Variants in PRKCA observed in about 807,000 individuals in gnomAD.
PRKCA encodes protein kinase C alpha type.
PRKCA carries 27 observed loss-of-function variants against 87.0 expected under a neutral mutation model. The ratio of observed to expected loss-of-function variants is 0.31; its 90% CI spans 0.23 to 0.43. The LOEUF (loss-of-function observed/expected upper bound fraction) is 0.43, where lower values mean the gene tolerates loss of function less well. PRKCA is among the 20% of genes least tolerant of loss of function. PRKCA has a pLI of 1.00. For synonymous variants in PRKCA, 329 were observed against 311.1 expected, an observed-to-expected ratio of 1.06 and a Z score of -0.61; for missense variants, 518 against 852.3, an observed-to-expected ratio of 0.61 and a Z score of 4.88.
chr17:66,667,374 A>G (rs1157824433), intron 5 of PRKCA, among the ~76,000 whole-genome samples: 3 of 152,364 alleles, frequency 2.0e-5, no homozygotes, highest in East Asian at 3.9e-4. Flanking sequence ...TAATTGGCTC[A>G]GAGTTCAGCA....
chr17:66,648,953 G>A (rs1292307297), intron 5 of PRKCA, among the ~76,000 whole-genome samples: 5 of 152,134 alleles, frequency 3.3e-5, no homozygotes, highest in African/African-American at 1.2e-4. Context: ...AATTAGCCAA[G>A]TATGGTGGCA....
intron 2 of PRKCA, among the ~76,000 whole-genome samples, chr17:66,374,990 C>A (rs775806942): frequency 2.0e-5 from 3 of 152,080 alleles, no homozygotes; most frequent in African/African-American, 7.2e-5. Flanking sequence ...GCCTTGGCCT[C>A]TCGAAGTGCT....
intron 3 of PRKCA, among the ~76,000 whole-genome samples, chr17:66,524,097 C>T (rs1567875303): frequency 1.3e-5 from 2 of 152,122 alleles, no homozygotes; most frequent in Non-Finnish European, 1.5e-5. Flanking sequence ...GCAACATATA[C>T]AGGGTGTGTG....
rs189946630 is a variant in PRKCA, at chr17:66,752,591, G to A, written c.1524+9831G>A. ...CCAGCCTGGGCAACAGCAAGACTCTGTCACCAAATAAATAAAGTTAATGCT... is the reference window on the plus strand; with the variant it reads ...CCAGCCTGGGCAACAGCAAGACTCTATCACCAAATAAATAAAGTTAATGCT... On this transcript the variant is annotated intron_variant, in intron 13 of 16. Transcript: ENST00000413366. Among the ~76,000 whole-genome samples, 10 of 152,262 alleles carry A rather than the reference G, an allele frequency of 6.6e-5. No individual in the cohort carries two copies. In the East Asian group the frequency reaches 1.7e-3, roughly 26 times the overall value.
At chr17:66,305,372 C>T (rs1325588607) in intron 1 of PRKCA, among the ~76,000 whole-genome samples, 1 of 152,078 alleles carries the variant, frequency 6.6e-6, no homozygotes, top group African/African-American at 2.4e-5. Flanking sequence ...CTCAACCTTC[C>T]GAAGAAATTT....
intron 4 of PRKCA, among the ~76,000 whole-genome samples, chr17:66,642,681 T>G (rs1160610914): frequency 6.6e-6 from 1 of 152,214 alleles, no homozygotes; most frequent in Non-Finnish European, 1.5e-5. Flanking sequence ...ATAGAGTAGA[T>G]GGAGTTTCTC....
At chr17:66,611,441 C>T (rs534906082) in intron 3 of PRKCA, among the ~76,000 whole-genome samples, 1 of 152,306 alleles carries the variant, frequency 6.6e-6, no homozygotes, top group Admixed American at 6.5e-5. Flanking sequence ...TGGAATAATA[C>T]AGTAAATGGC....
In PRKCA at chr17:66,707,760, G is replaced by A. The variant is rs369943791; in HGVS notation, c.918+18713G>A. Among the ~76,000 whole-genome samples, 17 of 152,178 alleles carry A rather than the reference G, an allele frequency of 1.1e-4. No individual in the cohort carries two copies. In the East Asian group the frequency reaches 2.9e-3, roughly 26 times the overall value. On this transcript the variant is annotated intron_variant, in intron 8 of 16. Coordinates refer to ENST00000413366, the MANE Select transcript of PRKCA (RefSeq NM_002737.3). ...TACCTTATCTCCACTTTCTGGAAAC[G>A]ACCCCTGACCCTCATAGTGGAGGGA...
chr17:66,385,657 T>C (rs542623146), intron 2 of PRKCA, among the ~76,000 whole-genome samples: 64 of 152,124 alleles, frequency 4.2e-4, no homozygotes, highest in African/African-American at 1.4e-3. Context: ...AGCCCAGGAG[T>C]TTTAGGCCAG....
chr17:66,449,656 G>A (rs1280396863), intron 2 of PRKCA, among the ~76,000 whole-genome samples: 1 of 152,142 alleles, frequency 6.6e-6, no homozygotes, highest in East Asian at 1.9e-4. Flanking sequence ...CCTTCTATGA[G>A]CCAAACATCA....
At chr17:66,615,903 G>A (rs936394006) in intron 3 of PRKCA, among the ~76,000 whole-genome samples, 4 of 152,204 alleles carry the variant, frequency 2.6e-5, no homozygotes, top group African/African-American at 9.6e-5. Context: ...TGTCAGGACA[G>A]GAGGTGGATC....
intron 3 of PRKCA, among the ~76,000 whole-genome samples, chr17:66,541,046 C>T (rs1224219696): frequency 1.3e-5 from 2 of 152,158 alleles, no homozygotes; most frequent in African/African-American, 4.8e-5. Context: ...TATTCTCTGG[C>T]CATCTCAGAG....
At chr17:66,562,619 CAG>C (rs2143318270) in intron 3 of PRKCA, among the ~76,000 whole-genome samples, 1 of 150,170 alleles carries the variant, frequency 6.7e-6, no homozygotes, top group African/African-American at 2.4e-5. Context: ...TGTTTTTTGG[CAG>C]AGTCTCACTG....
intron 10 of PRKCA, among the ~76,000 whole-genome samples, chr17:66,737,794 T>C (rs1974071238): frequency 6.6e-6 from 1 of 152,212 alleles, no homozygotes; most frequent in Admixed American, 6.5e-5. Context: ...ACCACAGCTC[T>C]GAATCCCAGC....
At chr17:66,441,053 T>G (rs910898577) in intron 2 of PRKCA, among the ~76,000 whole-genome samples, 1 of 149,006 alleles carries the variant, frequency 6.7e-6, no homozygotes, top group African/African-American at 2.5e-5. Flanking sequence ...TCCCAGCTAC[T>G]CAAGAGGCTG....
chr17:66,640,554 T>C (rs16959777), intron 3 of PRKCA, among the ~76,000 whole-genome samples: 23,043 of 152,220 alleles, frequency 0.15, 1,994 homozygotes, highest in East Asian at 0.3. Flanking sequence ...CAGGAAAATG[T>C]ACCTGTCAGT....
intron 2 of PRKCA, among the ~76,000 whole-genome samples, chr17:66,481,984 C>T (rs1320834761): frequency 6.6e-6 from 1 of 150,978 alleles, no homozygotes; most frequent in Non-Finnish European, 1.5e-5. Context: ...ACCTGTAATC[C>T]CAGCTGTGTG....
chr17:66,688,878 C>G (rs1022634789), intron 7 of PRKCA, 73 bp from the exon 8 acceptor site: 2 of 945,838 alleles, frequency 2.1e-6, no homozygotes, highest in Non-Finnish European at 3.3e-6. Context: ...TTTCACAAAA[C>G]CGCTCGACTA....
chr17:66,406,771 T>G (rs1911432048), intron 2 of PRKCA, among the ~76,000 whole-genome samples: 1 of 152,036 alleles, frequency 6.6e-6, no homozygotes, highest in African/African-American at 2.4e-5. Context: ...CCATCTACTT[T>G]CATTCTTTTC....
Sources: gnomAD v4.1 joint callset for allele counts (sites outside exome capture counted in the v4.1 genomes callset) on GRCh38, gnomAD v4.1.1 for gene constraint, MANE v1.5 for transcripts, NCBI Gene and HGNC (gene_info 2026-07-23, HGNC 2026-07-21) for gene names.